SLC22A16: variants seen among roughly 807,000 people sequenced by gnomAD.
The protein encoded by SLC22A16 is solute carrier family 22 member 16, also known as WUGSC:RG331P03.1.
In SLC22A16, 53 loss-of-function variants were observed where a neutral mutation model predicts 52.9. The ratio of observed to expected loss-of-function variants is 1.00; its 90% confidence interval spans 0.80 to 1.26. The LOEUF is 1.26. Among genes scored for constraint, SLC22A16 ranks in the 50% most tolerant of loss-of-function variants. The pLI, the probability that SLC22A16 is intolerant of heterozygous loss-of-function variation, is 0.00. For synonymous variants in SLC22A16, 291 were observed against 268.8 expected (o/e 1.08, Z -0.81); for missense variants, 726 against 704.0 (o/e 1.03, Z -0.35).
intron 7 of SLC22A16, among the ~76,000 whole-genome samples, chr6:110,427,795 A>T (rs895527314): frequency 1.3e-5 from 2 of 152,190 alleles, no homozygotes; most frequent in African/African-American, 4.8e-5. Context: ...ATATATTGAA[A>T]AACAAGATGT....
intron 7 of SLC22A16, among the ~76,000 whole-genome samples, chr6:110,426,481 C>G (rs1774259993): frequency 6.6e-6 from 1 of 152,120 alleles, no homozygotes; most frequent in South Asian, 2.1e-4. Context: ...TAAGTCCCCC[C>G]TTTCCCACCC....
At chr6:110,456,460 A>G in intron 2 of SLC22A16, 78 bp downstream of exon 2, 1 of 1,515,540 alleles carries the variant, frequency 6.6e-7, no homozygotes, top group Non-Finnish European at 8.9e-7. Context: ...TTTTAAACAT[A>G]ATTCCTTGTG....
intron 7 of SLC22A16, 50 bp downstream of exon 7, chr6:110,431,121 A>G (rs767009231): frequency 7.3e-5 from 107 of 1,466,184 alleles, no homozygotes; most frequent in Admixed American, 4.0e-4. Flanking sequence ...ATAGGCAATT[A>G]GAAACTGCCT....
rs1408194197 is a variant in SLC22A16, at chr6:110,456,970, C to T, written c.101G>A (p.Cys34Tyr). The stretch of plus-strand genomic sequence containing the variant: ...CACAGAAGCCAAGTAGTGAATACCA[C>T]AAGAGATGTTCTGGAAGGCACATAT... ...YFICAFQNIS[C>Y]GIHYLASVFM... is the part of the protein sequence containing the mutation. Residue 34 changes from cysteine (C) to tyrosine (Y), a missense_variant, in exon 2 of 8, where the codon TGT becomes TAT. Transcript: ENST00000368919. 4 of 1,580,094 alleles carry T rather than the reference C, an allele frequency of 2.5e-6. No homozygotes were observed. The highest frequency in any genetic ancestry group is 3.4e-6 in the Non-Finnish European group (4 of 1,164,196).
chr6:110,454,439 T>C (rs924032874), intron 2 of SLC22A16, among the ~76,000 whole-genome samples: 8 of 149,730 alleles, frequency 5.3e-5, no homozygotes, highest in Admixed American at 2.1e-4. Context: ...TCCAAATGAA[T>C]ACCAGTTAAT....
chr6:110,427,057 G>A (rs2878102), intron 7 of SLC22A16, among the ~76,000 whole-genome samples: 50,322 of 150,782 alleles, frequency 0.33, 8,619 homozygotes, highest in East Asian at 0.41. Context: ...TTTGAGACCA[G>A]CCTGGGCAAT....
intron 2 of SLC22A16, among the ~76,000 whole-genome samples, chr6:110,449,107 G>A (rs1476265726): frequency 6.6e-6 from 1 of 152,018 alleles, no homozygotes; most frequent in Non-Finnish European, 1.5e-5. Flanking sequence ...AGCCAATGAT[G>A]ACCAGGTGCA....
At chr6:110,446,061 A>G (rs1775158931) in intron 3 of SLC22A16, among the ~76,000 whole-genome samples, 1 of 152,134 alleles carries the variant, frequency 6.6e-6, no homozygotes, top group African/African-American at 2.4e-5. Flanking sequence ...GGGGGTGCAG[A>G]GAGATTGAAG....
chr6:110,468,687 GAA>G (rs1337223803), intron 1 of SLC22A16, among the ~76,000 whole-genome samples: 2 of 150,368 alleles, frequency 1.3e-5, no homozygotes, highest in Non-Finnish European at 3.0e-5. Flanking sequence ...AGAAGAAGAA[GAA>G]AAAGAAAAAA....
At chr6:110,469,663 TA>T (rs967270960) in intron 1 of SLC22A16, among the ~76,000 whole-genome samples, 7 of 152,136 alleles carry the variant, frequency 4.6e-5, no homozygotes, top group Non-Finnish European at 7.4e-5. Context: ...GCTGACAAAC[TA>T]AAAAAAATCT....
rs9487415 is a variant in SLC22A16 at position 110,460,102 on chromosome 6, G to A, written c.54-3085C>T. Among the ~76,000 whole-genome samples the A allele has an allele frequency of 8.2e-3, 1,244 of 152,230 alleles. 17 individuals are homozygous for A. Among genetic ancestry groups the A allele is most frequent in the African/African-American group, 0.028 (1,181 of 41,528 alleles). On this transcript the variant is annotated intron_variant, in intron 1 of 7. Coordinates refer to ENST00000368919, the MANE Select transcript of SLC22A16 (RefSeq NM_033125.4). ...ATAGGTCCTGTCCGATCAAACTGAG[G>A]TCAAATTGCACCATTGACACATGTG...
At chr6:110,450,197 G>T (rs191762936) in intron 2 of SLC22A16, among the ~76,000 whole-genome samples, 3 of 151,990 alleles carry the variant, frequency 2.0e-5, no homozygotes, top group East Asian at 1.9e-4. Flanking sequence ...AGGAGGGGGG[G>T]GCACAATAGT....
At chr6:110,472,737 C>T (rs1776302344) in intron 1 of SLC22A16, among the ~76,000 whole-genome samples, 4 of 152,028 alleles carry the variant, frequency 2.6e-5, no homozygotes, top group Admixed American at 2.6e-4. Flanking sequence ...ATGCATGTAC[C>T]CAACCTAGGG....
intron 3 of SLC22A16, among the ~76,000 whole-genome samples, chr6:110,443,843 T>G (rs1775068904): frequency 1.3e-5 from 2 of 152,200 alleles, no homozygotes; most frequent in African/African-American, 2.4e-5. Context: ...AATATTATGC[T>G]AAGGGAAATA....
chr6:110,444,220 G>A, intron 3 of SLC22A16, among the ~76,000 whole-genome samples: 1 of 152,258 alleles, frequency 6.6e-6, no homozygotes. Flanking sequence ...TATGTGATTA[G>A]AATATAATAT....
chr6:110,445,654 G>A (rs370621583), intron 3 of SLC22A16, among the ~76,000 whole-genome samples: 2 of 152,076 alleles, frequency 1.3e-5, no homozygotes, highest in East Asian at 1.9e-4. Flanking sequence ...TGTTTCCTTG[G>A]GTATAGAAGC....
At chr6:110,445,543 C>T (rs895602254) in intron 3 of SLC22A16, among the ~76,000 whole-genome samples, 2 of 152,196 alleles carry the variant, frequency 1.3e-5, no homozygotes, top group African/African-American at 4.8e-5. Flanking sequence ...CATCTCCCAT[C>T]CACAGAATTC....
rs774463777 is a variant in SLC22A16, at chr6:110,425,007, T to C, written c.1600A>G (p.Thr534Ala). ...AGTTTTGCAGCCTCCTCCCAAGTAG[T>C]TGCTAGCCGTTTCCCAAGGGTTTCT... is the stretch of plus-strand genomic sequence containing the variant. ...LPETLGKRLA[T>A]TWEEAAKLES... The change falls in exon 8 of 8, where the codon ACT (threonine) becomes GCT (alanine). Residue 534 changes from threonine (T) to alanine (A), a missense_variant. Transcript: ENST00000368919. 1.2e-6 allele frequency: 2 copies of C among 1,614,204 alleles called. No homozygotes were observed. The highest frequency in any genetic ancestry group is 1.7e-6 in the Non-Finnish European group (2 of 1,180,046).
At chr6:110,467,816 T>G (rs1205702005) in intron 1 of SLC22A16, among the ~76,000 whole-genome samples, 2 of 152,260 alleles carry the variant, frequency 1.3e-5, no homozygotes, top group African/African-American at 2.4e-5. Flanking sequence ...TTGTACATAT[T>G]GACTTCTATG....
Sources: allele counts gnomAD v4.1 joint callset (sites outside exome capture counted in the v4.1 genomes callset), GRCh38; gene constraint gnomAD v4.1.1; transcripts MANE v1.5; gene names NCBI Gene and HGNC (gene_info 2026-07-23, HGNC 2026-07-21).